The following TBC1D19 variants were observed in gnomAD, a reference collection of about 807,000 sequenced individuals.
TBC1D19 encodes the protein TBC1 domain family member 19.
A neutral mutation model predicts 89.0 loss-of-function variants in TBC1D19; 60 were observed. The ratio of observed to expected loss-of-function variants is 0.67; its 90% CI spans 0.55 to 0.84. The LOEUF (loss-of-function observed/expected upper bound fraction) is 0.84. Ranked by LOEUF, TBC1D19 falls within the 40% of genes least tolerant of loss-of-function variation. TBC1D19 has a pLI of 0.00. For missense variants in TBC1D19, 500 were observed against 610.8 expected (o/e 0.82, Z 1.91); for synonymous variants, 189 against 199.7 (o/e 0.95, Z 0.45).
chr4:26,616,188 A>G (rs936866046), intron 3 of TBC1D19, among the ~76,000 whole-genome samples: 4 of 152,174 alleles, frequency 2.6e-5, no homozygotes, highest in African/African-American at 4.8e-5. Context: ...AAGACTAGAT[A>G]GGAGGACATA....
At chr4:26,818,881 A>T in the TBC1D19 span, among the ~76,000 whole-genome samples, 1 of 152,238 alleles carries the variant, frequency 6.6e-6, no homozygotes, top group Non-Finnish European at 1.5e-5. Flanking sequence ...AAAATCAAGG[A>T]CATAACCACT....
intron 13 of TBC1D19, among the ~76,000 whole-genome samples, chr4:26,694,483 G>A (rs895779107): frequency 9.2e-5 from 14 of 152,320 alleles, no homozygotes; most frequent in Middle Eastern, 3.4e-3. Context: ...GGGCATAGCC[G>A]AACAAAAGGC....
At chr4:26,779,885 C>T in the TBC1D19 span, among the ~76,000 whole-genome samples, 1 of 152,188 alleles carries the variant, frequency 6.6e-6, no homozygotes, top group African/African-American at 2.4e-5. Context: ...TGGGACTTGT[C>T]GAGTGTGGTG....
At chr4:26,747,329 T>C (rs1277408943) in intron 18 of TBC1D19, among the ~76,000 whole-genome samples, 2 of 152,322 alleles carry the variant, frequency 1.3e-5, no homozygotes, top group African/African-American at 2.4e-5. Flanking sequence ...TTGTAAGTTA[T>C]TAAAATATCC....
At chr4:26,644,361 C>T (rs1239135086) in intron 7 of TBC1D19, among the ~76,000 whole-genome samples, 1 of 152,134 alleles carries the variant, frequency 6.6e-6, no homozygotes, top group Non-Finnish European at 1.5e-5. Flanking sequence ...AGGCCTTCGA[C>T]AAAATTCAAC....
At position 26,584,223 on chromosome 4, in the gene TBC1D19, C is replaced by T. The variant is rs149118668; in HGVS notation, c.30C>T (p.Leu10=). The change falls in exon 1 of 21, where the codon CTC becomes CTT. Residue 10 remains leucine (L), a synonymous_variant. Coordinates refer to ENST00000264866, the MANE Select transcript of TBC1D19 (RefSeq NM_018317.4). MLQEESDLS[L]IIAQIVQKLK... ...TGCAGGAGGAGTCGGACCTCTCTCT[C>T]ATTATTGCCCAGATAGTCCAAAAGC... 163 of 1,612,662 alleles carry T rather than the reference C, an allele frequency of 1.0e-4. No individual in the cohort carries two copies. The African/African-American group carries it at 1.6e-3, about 16-fold the overall frequency.
At chr4:26,772,960 T>C in the TBC1D19 span, among the ~76,000 whole-genome samples, 8,081 of 152,296 alleles carry the variant, frequency 0.053, 627 homozygotes, top group African/African-American at 0.17. Flanking sequence ...GAAAGATATA[T>C]ATTCCTTTGG....
intron 12 of TBC1D19, among the ~76,000 whole-genome samples, chr4:26,687,731 TA>T (rs544072251): frequency 1.3e-3 from 203 of 152,270 alleles, no homozygotes; most frequent in African/African-American, 4.3e-3. Flanking sequence ...TCAAAGTGGC[TA>T]AAGTGTCATA....
intron 11 of TBC1D19, among the ~76,000 whole-genome samples, chr4:26,682,329 C>T (rs1713420302): frequency 6.6e-6 from 1 of 152,144 alleles, no homozygotes; most frequent in Non-Finnish European, 1.5e-5. Context: ...CCAATTAAGG[C>T]TTTTTAATTA....
chr4:26,784,134 A>C, the TBC1D19 span, among the ~76,000 whole-genome samples: 1 of 152,144 alleles, frequency 6.6e-6, no homozygotes, highest in Non-Finnish European at 1.5e-5. Flanking sequence ...ACCCTCAATA[A>C]AAACTTCTTC....
intron 18 of TBC1D19, 107 bp from the exon 19 acceptor site, chr4:26,748,304 G>C: frequency 2.7e-6 from 2 of 742,986 alleles, no homozygotes; most frequent in Non-Finnish European, 2.3e-6. Context: ...AAATGCCCAG[G>C]TGATTTCTAA....
At chr4:26,665,329 T>C (rs889986020) in intron 8 of TBC1D19, among the ~76,000 whole-genome samples, 3 of 152,138 alleles carry the variant, frequency 2.0e-5, no homozygotes, top group African/African-American at 7.2e-5. Flanking sequence ...TAAGTAATAA[T>C]AGATAATTAG....
chr4:26,780,644 G>C, the TBC1D19 span, among the ~76,000 whole-genome samples: 2 of 152,226 alleles, frequency 1.3e-5, no homozygotes, highest in African/African-American at 4.8e-5. Context: ...CAGCCCTTGC[G>C]ACAGGCTTCT....
chr4:26,652,073 A>T (rs1036989743), intron 7 of TBC1D19, among the ~76,000 whole-genome samples: 2 of 152,022 alleles, frequency 1.3e-5, no homozygotes, highest in African/African-American at 2.4e-5. Context: ...CCACTAGATC[A>T]TGGTGGATAA....
At chr4:26,783,363 C>T in the TBC1D19 span, among the ~76,000 whole-genome samples, 2 of 152,216 alleles carry the variant, frequency 1.3e-5, no homozygotes, top group South Asian at 2.1e-4. Context: ...TAATTAAAGG[C>T]ATAAGGAGTG....
At chr4:26,837,290 G>A in the TBC1D19 span, among the ~76,000 whole-genome samples, 1 of 152,158 alleles carries the variant, frequency 6.6e-6, no homozygotes, top group Non-Finnish European at 1.5e-5. Context: ...ATGGGAGATG[G>A]GCATGGAGAA....
At chr4:26,580,384 C>T (rs76424039), upstream of TBC1D19, among the ~76,000 whole-genome samples, 3,041 of 152,138 alleles carry the variant, frequency 0.02, 99 homozygotes, top group African/African-American at 0.07. Flanking sequence ...TCAGACATCC[C>T]GAGGCAGGCA....
At chr4:26,633,333 G>A (rs1295802236) in intron 4 of TBC1D19, among the ~76,000 whole-genome samples, 3 of 152,106 alleles carry the variant, frequency 2.0e-5, no homozygotes, top group South Asian at 2.1e-4. Context: ...GTGTTTGAGG[G>A]TAAGTAGACC....
In TBC1D19 at chr4:26,683,032, A is replaced by G. The variant is rs1043274444; in HGVS notation, c.817-643A>G. ...TCAATCATAACTCACTGTAACCTCA[A>G]ACTCCTGAGTTCAAGCATATGGGAC... On this transcript the variant is annotated intron_variant, in intron 11 of 20. Transcript: ENST00000264866. Among the ~76,000 whole-genome samples the G allele has an allele frequency of 3.9e-5, 6 of 152,266 alleles. 1 individual carries two copies. Among genetic ancestry groups the G allele is most frequent in the Admixed American group, 6.5e-5 (1 of 15,294 alleles).
Sources: gnomAD v4.1 joint callset for allele counts (sites outside exome capture counted in the v4.1 genomes callset) on GRCh38, gnomAD v4.1.1 for gene constraint, MANE v1.5 for transcripts, NCBI Gene and HGNC (gene_info 2026-07-23, HGNC 2026-07-21) for gene names.